The following DPF3 variants were observed in gnomAD, a reference collection of about 807,000 sequenced individuals.
The protein encoded by DPF3 is double PHD fingers 3.
DPF3 carries 18 observed loss-of-function variants against 56.8 expected under a neutral mutation model. That is an observed-to-expected ratio of 0.32 (90% CI 0.22 to 0.47). DPF3 has a LOEUF of 0.47. Among genes scored for constraint, DPF3 ranks in the 20% least tolerant of loss-of-function variants. DPF3 has a pLI of 1.00. For missense variants in DPF3, 403 were observed against 488.8 expected, an observed-to-expected ratio of 0.82 and a Z score of 1.65; for synonymous variants, 188 against 180.2, an observed-to-expected ratio of 1.04 and a Z score of -0.35.
chr14:72,824,557 T>G (rs1429815636), intron 1 of DPF3, among the ~76,000 whole-genome samples: 18 of 151,394 alleles, frequency 1.2e-4, no homozygotes, highest in African/African-American at 4.3e-4. Context: ...TTTTCTTTTT[T>G]TTTTTTTGTT....
In DPF3 at chr14:72,701,130, G is replaced by A. The variant is rs145851092; in HGVS notation, c.605-7917C>T. Among the ~76,000 whole-genome samples, 60 of 152,338 alleles carry A rather than the reference G, an allele frequency of 3.9e-4. No individual in the cohort carries two copies. In the East Asian group the frequency reaches 0.011, roughly 27 times the overall value. ...CCCAGGAGCGCTGAAGCAGCAGAGA[G>A]GGTCATGCCCCATCTTCCCACTCCA... On this transcript the variant is annotated intron_variant, in intron 6 of 10. Transcript: ENST00000556509.
At chr14:72,866,578 T>A (rs914971627) in intron 1 of DPF3, among the ~76,000 whole-genome samples, 1 of 150,592 alleles carries the variant, frequency 6.6e-6, no homozygotes, top group Non-Finnish European at 1.5e-5. Context: ...TTAATATGGC[T>A]GGGTGTGGTG....
At chr14:72,631,653 G>C (rs2526923) in intron 8 of DPF3, among the ~76,000 whole-genome samples, 31,151 of 152,102 alleles carry the variant, frequency 0.2, 4,257 homozygotes, top group African/African-American at 0.38. Flanking sequence ...ATTAACTTAC[G>C]AAGTACTTAT....
At chr14:72,721,118 T>G (rs939523231) in intron 5 of DPF3, among the ~76,000 whole-genome samples, 1 of 152,188 alleles carries the variant, frequency 6.6e-6, no homozygotes, top group Admixed American at 6.5e-5. Flanking sequence ...GCTGCCATAA[T>G]GCACAGTGCA....
At position 72,842,471 on chromosome 14, in the gene DPF3, C is replaced by A. The variant is rs114089511; in HGVS notation, c.32+51586G>T. Among the ~76,000 whole-genome samples, 267 of 152,300 alleles carry A rather than the reference C, an allele frequency of 1.8e-3. 1 individual carries two copies. Among genetic ancestry groups the A allele is most frequent in the African/African-American group, 6.0e-3 (248 of 41,564 alleles). ...ACGCAATGTTAAAGGGGAAATCCAG[C>A]TAGTAAAGTGAACGTGCTAGAAGAT... On this transcript the variant is annotated intron_variant, in intron 1 of 10. Coordinates refer to ENST00000556509, the MANE Select transcript of DPF3 (RefSeq NM_001280542.3).
chr14:72,623,039 A>G (rs1416988571), intron 9 of DPF3, among the ~76,000 whole-genome samples: 1 of 152,242 alleles, frequency 6.6e-6, no homozygotes, highest in African/African-American at 2.4e-5. Context: ...ATTAATCTCT[A>G]AGATATTCAG....
intron 1 of DPF3, among the ~76,000 whole-genome samples, chr14:72,852,383 A>C (rs1351066069): frequency 6.6e-6 from 1 of 152,208 alleles, no homozygotes. Flanking sequence ...TGGGAGGAGG[A>C]AAAATTGAAG....
intron 5 of DPF3, among the ~76,000 whole-genome samples, chr14:72,721,069 G>C (rs1308152704): frequency 6.6e-6 from 1 of 152,044 alleles, no homozygotes; most frequent in Non-Finnish European, 1.5e-5. Context: ...ATTAGGACTA[G>C]ACACATTTTG....
At chr14:72,754,921 C>T (rs868602077) in intron 2 of DPF3, among the ~76,000 whole-genome samples, 3 of 152,184 alleles carry the variant, frequency 2.0e-5, no homozygotes, top group South Asian at 2.1e-4. Context: ...ACCACCCCAC[C>T]CCTTTGGTTC....
intron 3 of DPF3, among the ~76,000 whole-genome samples, chr14:72,749,590 C>T (rs1324224274): frequency 6.6e-6 from 1 of 152,142 alleles, no homozygotes; most frequent in African/African-American, 2.4e-5. Context: ...GGCTCTGTGT[C>T]CCCAGGCAAA....
At chr14:72,817,866 T>C (rs1356744488) in intron 1 of DPF3, among the ~76,000 whole-genome samples, 4 of 152,242 alleles carry the variant, frequency 2.6e-5, no homozygotes, top group Admixed American at 6.5e-5. Context: ...TGGATATCCA[T>C]ATTTTAAAAG....
intron 8 of DPF3, among the ~76,000 whole-genome samples, chr14:72,672,971 G>A (rs1019940083): frequency 2.0e-5 from 3 of 151,964 alleles, no homozygotes; most frequent in African/African-American, 7.3e-5. Context: ...TGTCTTCTAC[G>A]CTAGCATCCA....
chr14:72,835,314 C>T (rs572417190), intron 1 of DPF3, among the ~76,000 whole-genome samples: 28 of 152,202 alleles, frequency 1.8e-4, no homozygotes, highest in Non-Finnish European at 3.7e-4. Flanking sequence ...GATCCTCCCT[C>T]CTCGGCCTCC....
At position 72,610,704 on chromosome 14, in the gene DPF3, G is replaced by A. The variant is rs964140241; in HGVS notation, c.*8593C>T. 6.6e-6 allele frequency among the ~76,000 whole-genome samples: 1 copy of A among 152,200 alleles called. No homozygotes were observed. Among genetic ancestry groups the A allele is most frequent in the Admixed American group, 6.5e-5 (1 of 15,290 alleles). On this transcript the variant is annotated 3_prime_UTR_variant, in exon 11 of 11. Coordinates refer to ENST00000556509, the MANE Select transcript of DPF3 (RefSeq NM_001280542.3). ...GACCGTGTTCTCAGCCTGAGAGCGCGCTCAAGGGCAGGTGGGAGATGGAGC... is the reference window on the plus strand; with the variant it reads ...GACCGTGTTCTCAGCCTGAGAGCGCACTCAAGGGCAGGTGGGAGATGGAGC...
chr14:72,873,639 C>A (rs1885991360), intron 1 of DPF3, among the ~76,000 whole-genome samples: 1 of 152,162 alleles, frequency 6.6e-6, no homozygotes, highest in Non-Finnish European at 1.5e-5. Flanking sequence ...TTTATTGCGG[C>A]ACTATTCACA....
intron 1 of DPF3, among the ~76,000 whole-genome samples, chr14:72,887,014 A>G (rs542755913): frequency 1.3e-5 from 2 of 152,230 alleles, no homozygotes; most frequent in South Asian, 2.1e-4. Context: ...TGGCTGCCCA[A>G]ATTAAAATAA....
At chr14:72,722,958 C>G (rs1325690121) in intron 5 of DPF3, among the ~76,000 whole-genome samples, 2 of 152,106 alleles carry the variant, frequency 1.3e-5, no homozygotes, top group African/African-American at 2.4e-5. Context: ...TCATGCCAAA[C>G]CCACTGGGAG....
chr14:72,693,003 A>G, intron 7 of DPF3, 73 bp downstream of exon 7: 1 of 1,588,924 alleles, frequency 6.3e-7, no homozygotes, highest in South Asian at 1.2e-5. Context: ...CAGTGAGAAA[A>G]AGGAACAAGG....
At chr14:72,791,270 G>A (rs796156130) in intron 1 of DPF3, among the ~76,000 whole-genome samples, 13 of 152,316 alleles carry the variant, frequency 8.5e-5, no homozygotes, top group African/African-American at 2.6e-4. Flanking sequence ...CCTGCCTCTC[G>A]GACATATGAG....
Sources: allele counts gnomAD v4.1 joint callset (sites outside exome capture counted in the v4.1 genomes callset), GRCh38; gene constraint gnomAD v4.1.1; transcripts MANE v1.5; gene names NCBI Gene and HGNC (gene_info 2026-07-23, HGNC 2026-07-21).